RFLNA: variants seen among roughly 807,000 people sequenced by gnomAD.
RFLNA encodes the protein refilin A.
Under a neutral mutation model 7.8 loss-of-function variants are expected in RFLNA, and 5 were observed. That is an observed-to-expected ratio of 0.64 (90% CI 0.34 to 1.35). RFLNA has a LOEUF of 1.35. Ranked by LOEUF, RFLNA falls within the 40% of genes most tolerant of loss-of-function variation. The pLI is 0.04. For missense variants in RFLNA, 278 were observed against 305.5 expected (o/e 0.91, Z 0.67); for synonymous variants, 141 against 131.3 (o/e 1.07, Z -0.50).
intron 1 of RFLNA, among the ~76,000 whole-genome samples, chr12:124,308,491 GT>G (rs2135689043): frequency 6.6e-6 from 1 of 152,364 alleles, no homozygotes; most frequent in Non-Finnish European, 1.5e-5. Context: ...CTCTGGCCGT[GT>G]TTTTGGTGTC....
Position 124,289,919 on chromosome 12 carries a change from C to T in RFLNA, c.-37+549C>T, listed in dbSNP as rs558424202. ...CCAGGTCTCACGGTTGTACAGTCAC[C>T]GGGACCTTCACTCTGAAACATTTGA... On this transcript the variant is annotated intron_variant, in intron 1 of 2. Coordinates refer to the RFLNA transcript ENST00000324038. This position sits in a 1 kb window ranked among gnomAD's most constrained non-coding sequence, Gnocchi z 5.0. Among the ~76,000 whole-genome samples, 52 of 152,280 alleles carry T rather than the reference C, an allele frequency of 3.4e-4. No individual in the cohort carries two copies. Among genetic ancestry groups the T allele is most frequent in the Middle Eastern group, 3.4e-3 (1 of 294 alleles).
chr12:124,304,185 G>C (rs1017428538), intron 1 of RFLNA, among the ~76,000 whole-genome samples: 1 of 152,242 alleles, frequency 6.6e-6, no homozygotes, highest in East Asian at 1.9e-4. Flanking sequence ...ACGAAGCTGC[G>C]AGCCTCAGGA....
In RFLNA at chr12:124,306,399, T is replaced by A. The variant is rs1454327427; in HGVS notation, c.208-5419T>A. Among the ~76,000 whole-genome samples the A allele has an allele frequency of 6.6e-6, 1 of 151,848 alleles. No homozygotes were observed. The highest frequency in any genetic ancestry group is 1.5e-5 in the Non-Finnish European group (1 of 67,968). ...GAACAGCGGGAACACCGAGGCAGCC[T>A]CGGGTCACAGACAAGGGGCCGAGAC... On this transcript the variant is annotated intron_variant, in intron 1 of 2. Coordinates refer to ENST00000546355, the MANE Select transcript of RFLNA (RefSeq NM_001365156.1). This position sits in a 1 kb window ranked among gnomAD's most constrained non-coding sequence, Gnocchi z 5.2.
At chr12:124,299,178 G>T (rs2033983331) in intron 1 of RFLNA, among the ~76,000 whole-genome samples, 1 of 152,254 alleles carries the variant, frequency 6.6e-6, no homozygotes, top group African/African-American at 2.4e-5. Context: ...TGAGTGAGGA[G>T]GGTGCCCGTG....
chr12:124,294,996 G>T (rs4765534), upstream of RFLNA, among the ~76,000 whole-genome samples: 17,334 of 151,972 alleles, frequency 0.11, 1,169 homozygotes, highest in East Asian at 0.3. Flanking sequence ...CGGCGGAGGC[G>T]CCGGGCCGGG....
rs932040575 is a variant in RFLNA, at chr12:124,296,297, T to C, written c.207+661T>C. Among the ~76,000 whole-genome samples, 3 of 149,482 alleles carry C rather than the reference T, an allele frequency of 2.0e-5. No homozygotes were observed. In the Admixed American group the frequency reaches 2.0e-4, roughly 10 times the overall value. ...TAGGCGGGAGGGGGAGGCTGGAACC[T>C]CGGGTCAGGAAACTCAGGAGTTTGT... is the stretch of plus-strand genomic sequence containing the variant. On this transcript the variant is annotated intron_variant, in intron 1 of 2. Coordinates refer to ENST00000546355, the MANE Select transcript of RFLNA (RefSeq NM_001365156.1).
At chr12:124,309,709 T>C (rs998087425) in intron 1 of RFLNA, among the ~76,000 whole-genome samples, 3 of 152,194 alleles carry the variant, frequency 2.0e-5, no homozygotes, top group African/African-American at 7.2e-5. Flanking sequence ...CCCCCTGCTA[T>C]CCCAGCACAG....
At chr12:124,301,065 C>G (rs2034028405) in intron 1 of RFLNA, among the ~76,000 whole-genome samples, 2 of 152,178 alleles carry the variant, frequency 1.3e-5, no homozygotes, top group Non-Finnish European at 2.9e-5. Context: ...GGCAGGCTTA[C>G]AGGTGTGTTC....
chr12:124,300,731 CATGGATGGATGG>C (rs370958661), intron 1 of RFLNA, among the ~76,000 whole-genome samples: 70,179 of 114,754 alleles, frequency 0.61, 23,058 homozygotes, highest in Non-Finnish European at 0.73. Context: ...TGGATGGATG[CATGGATGGATGG>C]ATGGATGGAT....
At chr12:124,313,540 A>G (rs10846653) in intron 2 of RFLNA, among the ~76,000 whole-genome samples, 35,307 of 151,926 alleles carry the variant, frequency 0.23, 4,557 homozygotes, top group East Asian at 0.44. Flanking sequence ...TTAGCCAGGC[A>G]TGGTGGCGGG....
chr12:124,310,268 C>T (rs1439015719), intron 1 of RFLNA, among the ~76,000 whole-genome samples: 1 of 148,434 alleles, frequency 6.7e-6, no homozygotes. Flanking sequence ...CTTTGCTGGG[C>T]TGGCCCTGAA....
Position 124,295,527 on chromosome 12 carries a change from G to GC in RFLNA, c.102dup (p.Ser35GlnfsTer70). 3 of 1,259,402 alleles carry GC rather than the reference G, an allele frequency of 2.4e-6. No homozygotes were observed. The highest frequency in any genetic ancestry group is 1.5e-5 in the African/African-American group (1 of 64,626). The allele number at this position is 1,259,402 out of a possible 1,614,324, so 78.0% of individuals were successfully genotyped here. A position where few individuals can be genotyped will look rare whatever the true frequency, so the allele number is the denominator to read the frequency against. ...AGCCCCGACTCCGGGCTGCCCCCCA[G>GC]CCCCAGCCCCAGCCCGCCCTTCTAC... On this transcript the variant is annotated frameshift_variant, in exon 1 of 3. Transcript: ENST00000546355. LOFTEE classifies it high-confidence loss of function.
rs1239170444 is a variant in RFLNA, at chr12:124,306,084, G to A, written c.208-5734G>A. Among the ~76,000 whole-genome samples the A allele has an allele frequency of 1.3e-5, 2 of 152,156 alleles. No individual in the cohort carries two copies. The highest frequency in any genetic ancestry group is 2.9e-5 in the Non-Finnish European group (2 of 68,032). On this transcript the variant is annotated intron_variant, in intron 1 of 2. Transcript: ENST00000546355. This position sits in a 1 kb window ranked among gnomAD's most constrained non-coding sequence, Gnocchi z 5.2. ...GCTGCCAAACTTGAGGACAGGTATG[G>A]GCCCATACTCGGGGCTCTCTGGGTT...
upstream of RFLNA, among the ~76,000 whole-genome samples, chr12:124,293,765 C>A (rs1430926650): frequency 6.6e-6 from 1 of 152,228 alleles, no homozygotes; most frequent in Non-Finnish European, 1.5e-5. Flanking sequence ...GCCCCACCCT[C>A]TGTCAGTGTC....
intron 1 of RFLNA, among the ~76,000 whole-genome samples, chr12:124,300,868 A>G (rs1209537424): frequency 6.6e-6 from 1 of 150,568 alleles, no homozygotes; most frequent in Non-Finnish European, 1.5e-5. Context: ...GGATGGATGG[A>G]TGGATGAATA....
At chr12:124,303,180 T>G (rs1015734256) in intron 1 of RFLNA, among the ~76,000 whole-genome samples, 1 of 152,222 alleles carries the variant, frequency 6.6e-6, no homozygotes, top group Non-Finnish European at 1.5e-5. Flanking sequence ...GCTGTCACTG[T>G]GAGGCACTGA....
chr12:124,305,004 A>G (rs4765538), intron 1 of RFLNA, among the ~76,000 whole-genome samples: 149,467 of 152,330 alleles, frequency 0.98, 73,394 homozygotes, highest in Middle Eastern at 1. Context: ...ATTATTTCTA[A>G]AAACATGGAA....
At chr12:124,307,461 CT>C (rs2034155934) in intron 1 of RFLNA, among the ~76,000 whole-genome samples, 1 of 152,244 alleles carries the variant, frequency 6.6e-6, no homozygotes. Context: ...TCCTGCGCCC[CT>C]GGTGTGATGG....
At chr12:124,294,808 C>T (rs1288323915), upstream of RFLNA, among the ~76,000 whole-genome samples, 1 of 152,284 alleles carries the variant, frequency 6.6e-6, no homozygotes, top group African/African-American at 2.4e-5. Flanking sequence ...AGAAAACCTC[C>T]AAGAGCACCA....
Sources: gnomAD v4.1 joint callset for allele counts (sites outside exome capture counted in the v4.1 genomes callset) on GRCh38, gnomAD v4.1.1 for gene constraint, Gnocchi (gnomAD v3.1) non-coding constraint, MANE v1.5 for transcripts, NCBI Gene and HGNC (gene_info 2026-07-23, HGNC 2026-07-21) for gene names.